RASA2: variants seen among roughly 807,000 people sequenced by gnomAD.
The protein encoded by RASA2 is ras GTPase-activating protein 2.
RASA2 carries 155 observed loss-of-function variants against 118.2 expected under a neutral mutation model. That is an observed-to-expected ratio of 1.31 (90% CI 1.15 to 1.50). The LOEUF (loss-of-function observed/expected upper bound fraction) is 1.50, where lower values mean the gene tolerates loss of function less well. Ranked by LOEUF, RASA2 falls within the 40% of genes most tolerant of loss-of-function variation. The pLI is 0.00. For synonymous variants in RASA2, 353 were observed against 349.1 expected (o/e 1.01, Z -0.12); for missense variants, 1,016 against 1,009.6 (o/e 1.01, Z -0.09).
chr3:141,592,357 G>GAGAA (rs1461911680), intron 19 of RASA2, among the ~76,000 whole-genome samples: 2 of 152,168 alleles, frequency 1.3e-5, no homozygotes, highest in African/African-American at 4.8e-5. Flanking sequence ...AAAGAGATAA[G>GAGAA]AGAAAGCTCT....
intron 1 of RASA2, among the ~76,000 whole-genome samples, chr3:141,506,701 C>G (rs1049172479): frequency 1.4e-5 from 2 of 143,550 alleles, no homozygotes; most frequent in African/African-American, 2.5e-5. Context: ...TCTCTTGAAC[C>G]CAGGAGTTCA....
chr3:141,553,585 GA>G (rs1226197429), intron 5 of RASA2, among the ~76,000 whole-genome samples: 3 of 152,070 alleles, frequency 2.0e-5, no homozygotes, highest in Non-Finnish European at 4.4e-5. Flanking sequence ...TTTGAATTTG[GA>G]ATGCTCAGTC....
intron 1 of RASA2, among the ~76,000 whole-genome samples, chr3:141,500,218 C>T (rs758896285): frequency 5.3e-5 from 8 of 152,058 alleles, no homozygotes; most frequent in Admixed American, 5.2e-4. Context: ...CTTGACAGTC[C>T]CCCCTCCTTT....
chr3:141,512,286 T>C lies in RASA2; in HGVS notation c.251+6T>C. 6.5e-7 allele frequency: 1 copy of C among 1,537,916 alleles called. No homozygotes were observed. The highest frequency in any genetic ancestry group is 8.8e-7 in the Non-Finnish European group (1 of 1,131,050). On this transcript the variant is annotated splice_donor_region_variant and intron_variant, in intron 2 of 23. Coordinates refer to ENST00000286364, the MANE Select transcript of RASA2 (RefSeq NM_006506.5). ...GTTGTGGAAAAATCTTTAAGGTTGG[T>C]AGAAAAAATTGGTAAATTATAATTT...
At chr3:141,492,555 A>G (rs1577631554) in intron 1 of RASA2, among the ~76,000 whole-genome samples, 1 of 152,352 alleles carries the variant, frequency 6.6e-6, no homozygotes, top group African/African-American at 2.4e-5. Flanking sequence ...AATGACAATG[A>G]CTTTGGGCAA....
intron 19 of RASA2, among the ~76,000 whole-genome samples, chr3:141,597,736 G>T (rs2083395541): frequency 6.6e-6 from 1 of 151,902 alleles, no homozygotes; most frequent in Non-Finnish European, 1.5e-5. Context: ...CAAAAATAAA[G>T]ATGAGAGTAC....
chr3:141,600,542 C>T (rs2083447372), intron 19 of RASA2: 1 of 276,458 alleles, frequency 3.6e-6, no homozygotes, highest in Admixed American at 4.5e-5. Flanking sequence ...GCCTGCTTGG[C>T]CAGCTTGGCC....
intron 19 of RASA2, among the ~76,000 whole-genome samples, chr3:141,590,570 T>G (rs1295240662): frequency 6.6e-6 from 1 of 152,246 alleles, no homozygotes; most frequent in East Asian, 1.9e-4. Context: ...GCATTCTCTG[T>G]TTGGTTGTTG....
chr3:141,588,094 G>A (rs957740321), intron 19 of RASA2, among the ~76,000 whole-genome samples: 1 of 152,080 alleles, frequency 6.6e-6, no homozygotes, highest in South Asian at 2.1e-4. Context: ...TTAGATACTT[G>A]AAAAGTAATT....
At chr3:141,532,204 T>C (rs2082269953) in intron 4 of RASA2, among the ~76,000 whole-genome samples, 1 of 152,044 alleles carries the variant, frequency 6.6e-6, no homozygotes, top group Admixed American at 6.6e-5. Context: ...TTCTCCAGAG[T>C]CACAGAACTA....
In RASA2 at chr3:141,558,971, C is replaced by G. The variant is rs1230231349; in HGVS notation, c.761+9C>G. Reference sequence around the variant, plus strand: ...GAAAAGCTAGAAATCAGGTATGTGCCTTGGGGTTTTACAGAATTGCTTTTT... The same window carrying G: ...GAAAAGCTAGAAATCAGGTATGTGCGTTGGGGTTTTACAGAATTGCTTTTT... On this transcript the variant is annotated intron_variant, in intron 8 of 23. Coordinates refer to ENST00000286364, the MANE Select transcript of RASA2 (RefSeq NM_006506.5). 6.3e-7 allele frequency: 1 copy of G among 1,585,012 alleles called. No homozygotes were observed. The highest frequency in any genetic ancestry group is 1.1e-5 in the South Asian group (1 of 87,630).
intron 3 of RASA2, chr3:141,526,008 C>T (rs1422426826): frequency 6.6e-6 from 1 of 152,042 alleles, no homozygotes; most frequent in Non-Finnish European, 1.5e-5. Flanking sequence ...AGAATTGACA[C>T]TAGGTTATGG....
intron 5 of RASA2, among the ~76,000 whole-genome samples, chr3:141,552,805 G>C (rs1381669780): frequency 6.6e-6 from 1 of 152,144 alleles, no homozygotes; most frequent in Non-Finnish European, 1.5e-5. Context: ...TCTGTGACCT[G>C]TGGGTTGTGG....
intron 19 of RASA2, among the ~76,000 whole-genome samples, chr3:141,606,450 A>G (rs2083550629): frequency 6.6e-6 from 1 of 152,096 alleles, no homozygotes. Flanking sequence ...TCATTGTAGC[A>G]TTCATCTCTA....
Position 141,608,675 on chromosome 3 carries a change from C to CT in RASA2, c.2204dup (p.Gly736ArgfsTer18). 1 of 1,613,672 alleles carries CT rather than the reference C, an allele frequency of 6.2e-7. No homozygotes were observed. The highest frequency in any genetic ancestry group is 8.5e-7 in the Non-Finnish European group (1 of 1,179,676). On this transcript the variant is annotated frameshift_variant, in exon 21 of 24. Transcript: ENST00000286364. LOFTEE classifies it high-confidence loss of function. ...CTGTCAGGAGACTGGTGAAAACACT[C>CT]TCGGCTGCAAGCCATGTACTGCGTA...
intron 23 of RASA2, among the ~76,000 whole-genome samples, chr3:141,611,908 CT>C (rs1287973512): frequency 6.6e-6 from 1 of 152,146 alleles, no homozygotes; most frequent in African/African-American, 2.4e-5. Flanking sequence ...CCCAGACATT[CT>C]TTCTTAAATA....
In RASA2 at chr3:141,559,829, T is replaced by C; in HGVS notation, c.762-65T>C. 3 of 1,293,746 alleles carry C rather than the reference T, an allele frequency of 2.3e-6. No homozygotes were observed. In the East Asian group the frequency reaches 7.1e-5, roughly 31 times the overall value. 80.1% of individuals were successfully genotyped at this position (1,293,746 alleles called of 1,614,324 possible). A position where few individuals can be genotyped will look rare whatever the true frequency, so the allele number is the denominator to read the frequency against. ...AATACAGATCAAAGTAATTTGAAGC[T>C]GTTTTGTGGTGTGAACTCTCTTAAA... On this transcript the variant is annotated intron_variant, in intron 8 of 23. Coordinates refer to ENST00000286364, the MANE Select transcript of RASA2 (RefSeq NM_006506.5).
intron 5 of RASA2, among the ~76,000 whole-genome samples, chr3:141,552,874 A>G (rs2082594631): frequency 6.6e-6 from 1 of 152,210 alleles, no homozygotes; most frequent in South Asian, 2.1e-4. Flanking sequence ...CTTTTCAGCA[A>G]CACTCATGAG....
intron 3 of RASA2, among the ~76,000 whole-genome samples, chr3:141,528,314 A>G (rs987672704): frequency 6.6e-5 from 10 of 151,988 alleles, no homozygotes; most frequent in Non-Finnish European, 1.3e-4. Flanking sequence ...ACATTCTAAA[A>G]ATAACAGTTT....
Sources: allele counts gnomAD v4.1 joint callset (sites outside exome capture counted in the v4.1 genomes callset), GRCh38; gene constraint gnomAD v4.1.1; transcripts MANE v1.5; gene names NCBI Gene and HGNC (gene_info 2026-07-23, HGNC 2026-07-21).